The following TUBGCP4 variants were observed in gnomAD, a reference collection of about 807,000 sequenced individuals.
The protein encoded by TUBGCP4 is gamma-tubulin complex component 4.
A neutral mutation model predicts 91.6 loss-of-function variants in TUBGCP4; 54 were observed. The ratio of observed to expected loss-of-function variants is 0.59; its 90% confidence interval spans 0.47 to 0.74. The LOEUF (loss-of-function observed/expected upper bound fraction) is 0.74. Among genes scored for constraint, TUBGCP4 ranks in the 30% least tolerant of loss-of-function variants. The probability of loss-of-function intolerance (pLI) is 0.00; values close to 1 mark genes in which losing one functional copy is unlikely to be tolerated. For synonymous variants in TUBGCP4, 297 were observed against 302.8 expected (o/e 0.98, Z 0.20); for missense variants, 593 against 800.9 (o/e 0.74, Z 3.13).
At position 43,405,050 on chromosome 15, in the gene TUBGCP4, T is replaced by G. The variant is rs1014343485; in HGVS notation, c.1989-152T>G. ...CTCTCTAAAATGTCTGCAAGCAGATTTTTTTCTAAGCTATTGTAGCAGAAG... is the reference window on the plus strand; with the variant it reads ...CTCTCTAAAATGTCTGCAAGCAGATGTTTTTCTAAGCTATTGTAGCAGAAG... On this transcript the variant is annotated intron_variant, in intron 17 of 17. Coordinates refer to ENST00000564079, the MANE Select transcript of TUBGCP4 (RefSeq NM_014444.5). 6.0e-6 allele frequency: 5 copies of G among 828,146 alleles called. No homozygotes were observed. The African/African-American group carries it at 7.0e-5, about 12-fold the overall frequency. 51.3% of individuals were successfully genotyped at this position (828,146 alleles called of 1,614,324 possible).
Position 43,406,669 on chromosome 15 carries a change from G to A in TUBGCP4, c.*1455G>A. On this transcript the variant is annotated 3_prime_UTR_variant, in exon 18 of 18. Transcript: ENST00000564079. ...GCAGGGATCAGTGATGCCAGAGGAA[G>A]GGAAGGAACTGCTTCCAGCTATTGT... 1 of 451,670 alleles carries A rather than the reference G, an allele frequency of 2.2e-6. No individual in the cohort carries two copies. The highest frequency in any genetic ancestry group is 4.4e-6 in the Non-Finnish European group (1 of 225,612). 28.0% of individuals were successfully genotyped at this position (451,670 alleles called of 1,614,324 possible). A position where few individuals can be genotyped will look rare whatever the true frequency, so the allele number is the denominator to read the frequency against.
intron 6 of TUBGCP4, among the ~76,000 whole-genome samples, chr15:43,381,046 A>G (rs1224385284): frequency 6.6e-6 from 1 of 152,034 alleles, no homozygotes; most frequent in Admixed American, 6.6e-5. Context: ...GGCTCAACCG[A>G]TATTCACATC....
intron 8 of TUBGCP4, 54 bp downstream of exon 8, chr15:43,386,010 T>C (rs1346262754): frequency 6.3e-7 from 1 of 1,598,030 alleles, no homozygotes; most frequent in Non-Finnish European, 8.5e-7. Flanking sequence ...TCTTCCTTAA[T>C]ACTATGTGGC....
Position 43,409,700 on chromosome 15 carries a change from A to G in TUBGCP4, c.*4486A>G. On this transcript the variant is annotated 3_prime_UTR_variant, in exon 18 of 18. Coordinates refer to ENST00000564079, the MANE Select transcript of TUBGCP4 (RefSeq NM_014444.5). ...TAGCCAGCTCCTGCTCGAAGCTGGGATTCTGTATACTGCTTGTTGAAAGGA... is the reference window on the plus strand; with the variant it reads ...TAGCCAGCTCCTGCTCGAAGCTGGGGTTCTGTATACTGCTTGTTGAAAGGA... 6.3e-7 allele frequency: 1 copy of G among 1,575,610 alleles called. No homozygotes were observed. The highest frequency in any genetic ancestry group is 1.4e-5 in the African/African-American group (1 of 72,588).
At chr15:43,402,100 G>A (rs558752833) in intron 15 of TUBGCP4, 11 of 320,152 alleles carry the variant, frequency 3.4e-5, no homozygotes, top group Admixed American at 1.4e-4. Flanking sequence ...GTGAAAACCC[G>A]TCTCTACTAA....
Position 43,409,675 on chromosome 15 carries a change from T to C in TUBGCP4, c.*4461T>C, listed in dbSNP as rs746921977. 12 of 1,572,750 alleles carry C rather than the reference T, an allele frequency of 7.6e-6. No individual in the cohort carries two copies. The highest frequency in any genetic ancestry group is 1.2e-5 in the South Asian group (1 of 83,244). On this transcript the variant is annotated 3_prime_UTR_variant, in exon 18 of 18. Transcript: ENST00000564079. ...GGCTTCATTGAAATCTTCAAGGATA[T>C]AGCCAGCTCCTGCTCGAAGCTGGGA...
chr15:43,390,419 C>T (rs541964455), intron 9 of TUBGCP4, among the ~76,000 whole-genome samples: 118 of 151,836 alleles, frequency 7.8e-4, no homozygotes, highest in Admixed American at 2.8e-3. Context: ...AAAATCTAGT[C>T]ATTTATGTTT....
intron 13 of TUBGCP4, chr15:43,399,257 C>A: frequency 1.3e-6 from 1 of 742,146 alleles, no homozygotes. Context: ...AAGCAGTTAG[C>A]ACCTGAACTT....
chr15:43,387,413 T>C (rs2044393652), intron 9 of TUBGCP4, among the ~76,000 whole-genome samples: 1 of 152,230 alleles, frequency 6.6e-6, no homozygotes, highest in Non-Finnish European at 1.5e-5. Context: ...TTAACTATAT[T>C]CCTGGCTTTC....
chr15:43,376,222 AG>A lies in TUBGCP4; in HGVS notation c.204del (p.Gln68HisfsTer59), dbSNP rs772914183. On this transcript the variant is annotated frameshift_variant, in exon 2 of 18. Transcript: ENST00000564079. LOFTEE classifies it high-confidence loss of function. Reference sequence around the variant, plus strand: ...GAACAGTACACGGGCCATGTGCAACAGCAGGTGGGTCCTGTTCTCTGTGGGT... The same window carrying A: ...GAACAGTACACGGGCCATGTGCAACACAGGTGGGTCCTGTTCTCTGTGGGT... ...FIEQYTGHVQQQDHHPSQQGQ... is the reference protein window; with the variant it reads ...FIEQYTGHVQXQDHHPSQQGQ... The A allele has an allele frequency of 1.2e-6, 2 of 1,613,516 alleles. No individual in the cohort carries two copies.
rs189716134 is a variant in TUBGCP4, at chr15:43,389,985, A to T, written c.1014+3655A>T. Among the ~76,000 whole-genome samples the T allele has an allele frequency of 7.9e-5, 12 of 152,130 alleles. No individual in the cohort carries two copies. In the East Asian group the frequency reaches 2.3e-3, roughly 29 times the overall value. ...CTCTCAGAAGAACAGCATGAGAAAG[A>T]CCACCCCCATGATTCAATCACCTCC... is the stretch of plus-strand genomic sequence containing the variant. On this transcript the variant is annotated intron_variant, in intron 9 of 17. Coordinates refer to ENST00000564079, the MANE Select transcript of TUBGCP4 (RefSeq NM_014444.5).
intron 9 of TUBGCP4, chr15:43,391,741 A>T (rs2142840789): frequency 6.6e-6 from 1 of 152,106 alleles, no homozygotes; most frequent in Non-Finnish European, 1.5e-5. Flanking sequence ...TTCTTTTTTT[A>T]ATTTTATTTT....
intron 13 of TUBGCP4, chr15:43,398,477 G>A: frequency 4.8e-6 from 1 of 208,192 alleles, no homozygotes; most frequent in Non-Finnish European, 9.6e-6. Context: ...ATGCCTTCAG[G>A]GGCTAGACTG....
intron 9 of TUBGCP4, among the ~76,000 whole-genome samples, chr15:43,392,689 G>C (rs1256022872): frequency 6.6e-6 from 1 of 152,006 alleles, no homozygotes; most frequent in African/African-American, 2.4e-5. Flanking sequence ...AGTTGAGATG[G>C]GGTTTCGCCA....
chr15:43,387,688 G>A (rs1257258914), intron 9 of TUBGCP4, among the ~76,000 whole-genome samples: 1 of 149,872 alleles, frequency 6.7e-6, no homozygotes, highest in East Asian at 2.0e-4. Flanking sequence ...TCTCAAACTC[G>A]TGAGCTCAAG....
rs1294395006 is a variant in TUBGCP4 at position 43,409,587 on chromosome 15, A to G, written c.*4373A>G. ...CCAACCCCTCCCAGGCCTCTTCTCAACACAGCAAGTTGGCTCTTATCATTG... is the reference window on the plus strand; with the variant it reads ...CCAACCCCTCCCAGGCCTCTTCTCAGCACAGCAAGTTGGCTCTTATCATTG... On this transcript the variant is annotated 3_prime_UTR_variant, in exon 18 of 18. Transcript: ENST00000564079. The G allele has an allele frequency of 2.1e-6, 2 of 971,338 alleles. No homozygotes were observed. The highest frequency in any genetic ancestry group is 3.3e-5 in the African/African-American group (2 of 59,918). The allele number at this position is 971,338 out of a possible 1,614,324, so 60.2% of individuals were successfully genotyped here.
At position 43,383,505 on chromosome 15, in the gene TUBGCP4, G is replaced by T. The variant is rs780291019; in HGVS notation, c.723+1G>T. Reference sequence around the variant, plus strand: ...ACAACTGAGAGAACTGCAGGACTTGGTGAGAGCCCAAAAAGTAGCCTAGCA... The same window carrying T: ...ACAACTGAGAGAACTGCAGGACTTGTTGAGAGCCCAAAAAGTAGCCTAGCA... On this transcript the variant is annotated splice_donor_variant, in intron 7 of 17. Transcript: ENST00000564079. LOFTEE classifies it high-confidence loss of function. 1 of 1,594,484 alleles carries T rather than the reference G, an allele frequency of 6.3e-7. No individual in the cohort carries two copies. The highest frequency in any genetic ancestry group is 8.5e-7 in the Non-Finnish European group (1 of 1,171,520).
intron 13 of TUBGCP4, chr15:43,399,318 C>G (rs1182194068): frequency 7.2e-6 from 2 of 279,048 alleles, no homozygotes. Context: ...ATTTTACTTT[C>G]TTTCGGCTCT....
intron 1 of TUBGCP4, among the ~76,000 whole-genome samples, chr15:43,374,097 C>T (rs934523665): frequency 3.9e-5 from 6 of 152,126 alleles, no homozygotes; most frequent in Admixed American, 3.9e-4. Flanking sequence ...TTCTTCTTCG[C>T]CTATTTGTTA....
Sources: allele counts gnomAD v4.1 joint callset (sites outside exome capture counted in the v4.1 genomes callset), GRCh38; gene constraint gnomAD v4.1.1; transcripts MANE v1.5; gene names NCBI Gene and HGNC (gene_info 2026-07-23, HGNC 2026-07-21).